The following DLGAP2 variants were observed in gnomAD, a reference collection of about 807,000 sequenced individuals.
The protein encoded by DLGAP2 is DLG associated protein 2.
Under a neutral mutation model 100.3 loss-of-function variants are expected in DLGAP2, and 26 were observed. The observed-to-expected ratio is 0.26, with a 90% CI of 0.19 to 0.36. The LOEUF (loss-of-function observed/expected upper bound fraction) is 0.36, where lower values mean the gene tolerates loss of function less well. Ranked by LOEUF, DLGAP2 falls within the 10% of genes least tolerant of loss-of-function variation. DLGAP2 has a pLI of 1.00. For missense variants in DLGAP2, 1,858 were observed against 1,453.2 expected, an observed-to-expected ratio of 1.28 and a Z score of -4.53; for synonymous variants, 886 against 630.1, an observed-to-expected ratio of 1.41 and a Z score of -6.08.
intron 3 of DLGAP2, among the ~76,000 whole-genome samples, chr8:1,427,619 G>T (rs748138990): frequency 5.3e-5 from 8 of 152,154 alleles, no homozygotes; most frequent in Non-Finnish European, 8.8e-5. Flanking sequence ...TTGAATTTTG[G>T]GGGTGGGTCT....
At chr8:1,416,294 A>G (rs1796882514) in intron 3 of DLGAP2, among the ~76,000 whole-genome samples, 1 of 152,168 alleles carries the variant, frequency 6.6e-6, no homozygotes, top group African/African-American at 2.4e-5. Flanking sequence ...TCCCGTCACG[A>G]CGGCCATGGA....
At chr8:940,370 G>T (rs1471317936) in intron 2 of DLGAP2, among the ~76,000 whole-genome samples, 1 of 151,860 alleles carries the variant, frequency 6.6e-6, no homozygotes, top group African/African-American at 2.4e-5. Flanking sequence ...GAGAGAGAGA[G>T]AGGGAGAGGG....
chr8:894,942 C>A (rs985240305), intron 1 of DLGAP2, among the ~76,000 whole-genome samples: 1 of 85,936 alleles, frequency 1.2e-5, no homozygotes, highest in African/African-American at 4.4e-5. Context: ...TTGGCAGGGG[C>A]GGGGTGGGGA....
At chr8:1,037,217 C>T (rs745803525) in intron 2 of DLGAP2, among the ~76,000 whole-genome samples, 21 of 152,160 alleles carry the variant, frequency 1.4e-4, no homozygotes, top group Non-Finnish European at 2.4e-4. Flanking sequence ...CCTGTCCTCC[C>T]GGCCCGAGCG....
In DLGAP2 at chr8:748,443, A is replaced by G. The variant is rs149379658; in HGVS notation, c.18+10618A>G. ...AGGGGTGCAGGGCCCCTGGGTGGGA[A>G]CAGAGTGGGCCATGTGGGCGTTGGT... On this transcript the variant is annotated intron_variant, in intron 1 of 14. Transcript: ENST00000637795. Among the ~76,000 whole-genome samples, 564 of 152,198 alleles carry G rather than the reference A, an allele frequency of 3.7e-3. 1 individual carries two copies. Among genetic ancestry groups the G allele is most frequent in the African/African-American group, 0.013 (538 of 41,528 alleles).
At chr8:1,007,473 ACTTACATCC>A (rs1801152482) in intron 2 of DLGAP2, among the ~76,000 whole-genome samples, 1 of 152,208 alleles carries the variant, frequency 6.6e-6, no homozygotes. Context: ...AAGTCAGCTG[ACTTACATCC>A]CAGGAGGGAA....
At chr8:1,234,121 G>C (rs1009242755) in intron 2 of DLGAP2, among the ~76,000 whole-genome samples, 5 of 152,218 alleles carry the variant, frequency 3.3e-5, no homozygotes. Context: ...TTGCTATAAA[G>C]AGGAATTAAG....
chr8:1,457,449 A>T (rs532261510), intron 3 of DLGAP2, among the ~76,000 whole-genome samples: 1 of 152,188 alleles, frequency 6.6e-6, no homozygotes, highest in Non-Finnish European at 1.5e-5. Flanking sequence ...ATATTTATCT[A>T]TACTCGGTCT....
intron 3 of DLGAP2, chr8:1,296,260 G>C (rs909904822): frequency 6.6e-6 from 1 of 151,444 alleles, no homozygotes; most frequent in Non-Finnish European, 1.5e-5. Context: ...TTGTTGAATA[G>C]ATATGACCCT....
chr8:1,531,163 C>G (rs1263607733), intron 4 of DLGAP2, among the ~76,000 whole-genome samples: 1 of 151,982 alleles, frequency 6.6e-6, no homozygotes, highest in East Asian at 1.9e-4. Flanking sequence ...AAGTTCCTCC[C>G]CTCCCCGCTA....
intron 2 of DLGAP2, among the ~76,000 whole-genome samples, chr8:1,069,762 A>G (rs1803371546): frequency 6.6e-6 from 1 of 152,176 alleles, no homozygotes; most frequent in Non-Finnish European, 1.5e-5. Flanking sequence ...TTGGAATTCA[A>G]CATCATGTTT....
intron 3 of DLGAP2, among the ~76,000 whole-genome samples, chr8:1,353,909 GA>G (rs1424091658): frequency 6.6e-6 from 1 of 152,232 alleles, no homozygotes; most frequent in African/African-American, 2.4e-5. Flanking sequence ...CAGCGAAGGG[GA>G]AAAAAGCAGT....
intron 2 of DLGAP2, among the ~76,000 whole-genome samples, chr8:1,186,841 C>G (rs1022045560): frequency 6.6e-6 from 1 of 152,188 alleles, no homozygotes; most frequent in Non-Finnish European, 1.5e-5. Flanking sequence ...TGTCTTCTTC[C>G]TGCTCTTCTC....
chr8:1,668,580 G>C lies in DLGAP2; in HGVS notation c.2062G>C (p.Glu688Gln). Residue 688 changes from glutamate (E) to glutamine (Q), a missense_variant, in exon 9 of 15, where the codon GAG becomes CAG. By Grantham distance (29) the Glu-to-Gln change is conservative (BLOSUM62 2). Transcript: ENST00000637795. ...GGCCGCTGCCCAGCGCCACCTGCCA[G>C]AGAGCCAGAGCAGCTCTGTGCGGAC... ...ETAAAQRHLPESQSSSVRTSD... is the reference protein window; with the variant it reads ...ETAAAQRHLPQSQSSSVRTSD... 2 of 1,596,654 alleles carry C rather than the reference G, an allele frequency of 1.3e-6. No homozygotes were observed. The highest frequency in any genetic ancestry group is 1.7e-6 in the Non-Finnish European group (2 of 1,172,612).
At chr8:1,282,352 T>C (rs1243943003) in intron 3 of DLGAP2, among the ~76,000 whole-genome samples, 21 of 109,128 alleles carry the variant, frequency 1.9e-4, no homozygotes, top group East Asian at 6.2e-4. Context: ...CTGAACCATC[T>C]GGACGTGGTG....
intron 6 of DLGAP2, among the ~76,000 whole-genome samples, chr8:1,600,786 A>G (rs1796600581): frequency 6.6e-6 from 1 of 151,996 alleles, no homozygotes; most frequent in African/African-American, 2.4e-5. Flanking sequence ...ACCTTTTTTC[A>G]AGGTTCTTAG....
At chr8:808,073 G>A (rs758358589) in intron 1 of DLGAP2, among the ~76,000 whole-genome samples, 9 of 152,248 alleles carry the variant, frequency 5.9e-5, no homozygotes, top group Admixed American at 1.3e-4. Context: ...ATAATTTTAC[G>A]CTCATCTGTG....
chr8:946,509 C>A (rs193165274), intron 2 of DLGAP2, among the ~76,000 whole-genome samples: 3 of 152,118 alleles, frequency 2.0e-5, no homozygotes, highest in African/African-American at 4.8e-5. Flanking sequence ...GTGATCTGCC[C>A]GCCTTGGCCT....
intron 3 of DLGAP2, among the ~76,000 whole-genome samples, chr8:1,433,648 AAC>A (rs1424416305): frequency 1.3e-5 from 2 of 152,126 alleles, no homozygotes; most frequent in Admixed American, 6.5e-5. Flanking sequence ...TGTATCCACA[AAC>A]ACACATTTGG....
Sources: allele counts gnomAD v4.1 joint callset (sites outside exome capture counted in the v4.1 genomes callset), GRCh38; gene constraint gnomAD v4.1.1; transcripts MANE v1.5; gene names NCBI Gene and HGNC (gene_info 2026-07-23, HGNC 2026-07-21).